The following ERI3 variants were observed in gnomAD, a reference collection of about 807,000 sequenced individuals.
ERI3 encodes ERI1 exoribonuclease family member 3, also known as ERI1 exoribonuclease 3.
In ERI3, 18 loss-of-function variants were observed where a neutral mutation model predicts 44.4. That is an observed-to-expected ratio of 0.41 (90% confidence interval 0.28 to 0.60). ERI3 has a LOEUF of 0.60. ERI3 is among the 20% of genes least tolerant of loss of function. ERI3 has a pLI of 0.36. For synonymous variants in ERI3, 183 were observed against 164.8 expected (o/e 1.11, Z -0.84); for missense variants, 294 against 435.5 (o/e 0.68, Z 2.89).
rs570879426 is a variant in ERI3 at position 44,261,602 on chromosome 1, C to T, written c.832-13564G>A. 5.3e-5 allele frequency among the ~76,000 whole-genome samples: 8 copies of T among 152,366 alleles called. No homozygotes were observed. The East Asian group carries it at 1.3e-3, about 26-fold the overall frequency. ...GGCAGCGGCCAGAGACTGCAGCTAC[C>T]TTAGAGAGCCGCTCTGAGGAGAGCT... is the stretch of plus-strand genomic sequence containing the variant. On this transcript the variant is annotated intron_variant, in intron 7 of 8. Coordinates refer to ENST00000372257, the MANE Select transcript of ERI3 (RefSeq NM_024066.3).
intron 2 of ERI3, among the ~76,000 whole-genome samples, chr1:44,351,975 T>C (rs551585488): frequency 1.3e-5 from 2 of 152,320 alleles, no homozygotes; most frequent in Non-Finnish European, 2.9e-5. Context: ...ACACTTCCCT[T>C]ACTATAGCAC....
intron 3 of ERI3, among the ~76,000 whole-genome samples, chr1:44,320,607 A>T (rs1646181133): frequency 6.6e-6 from 1 of 152,210 alleles, no homozygotes; most frequent in African/African-American, 2.4e-5. Flanking sequence ...AGAAGAGGGA[A>T]AGCGAGGAGA....
At chr1:44,232,561 A>G (rs1267063919) in intron 8 of ERI3, among the ~76,000 whole-genome samples, 2 of 152,326 alleles carry the variant, frequency 1.3e-5, no homozygotes, top group African/African-American at 4.8e-5. Flanking sequence ...CTGCCCTGCC[A>G]TTCTCGGCAT....
intron 3 of ERI3, 142 bp from the exon 4 acceptor site, chr1:44,319,886 G>A: frequency 3.1e-6 from 2 of 647,598 alleles, no homozygotes; most frequent in Middle Eastern, 3.1e-4. Context: ...CCAAACCCAA[G>A]ATTGAGTGAG....
chr1:44,329,663 A>ACTAC (rs1387441844), intron 3 of ERI3, among the ~76,000 whole-genome samples: 3 of 152,086 alleles, frequency 2.0e-5, no homozygotes, highest in African/African-American at 7.2e-5. Flanking sequence ...CCTAACCATC[A>ACTAC]CTACCTACCT....
intron 7 of ERI3, among the ~76,000 whole-genome samples, chr1:44,266,384 T>G (rs543690639): frequency 9.2e-5 from 14 of 152,158 alleles, no homozygotes; most frequent in Middle Eastern, 3.4e-3. Flanking sequence ...GGACTTGGAG[T>G]GTCTCAAAGG....
intron 8 of ERI3, among the ~76,000 whole-genome samples, chr1:44,242,662 C>A (rs1392811996): frequency 6.6e-6 from 1 of 152,188 alleles, no homozygotes; most frequent in Non-Finnish European, 1.5e-5. Context: ...AAGGCCCCCT[C>A]CCCCAGGCCA....
At chr1:44,349,381 G>A (rs535989045) in intron 2 of ERI3, among the ~76,000 whole-genome samples, 74 of 152,136 alleles carry the variant, frequency 4.9e-4, no homozygotes, top group Non-Finnish European at 2.5e-4. Flanking sequence ...TCAAACTCCT[G>A]ACCTCCTGAC....
At chr1:44,261,922 C>T (rs542692956) in intron 7 of ERI3, among the ~76,000 whole-genome samples, 115 of 152,312 alleles carry the variant, frequency 7.6e-4, no homozygotes, top group African/African-American at 2.7e-3. Flanking sequence ...GTTCTCCTAA[C>T]CTAAAACCTC....
intron 7 of ERI3, among the ~76,000 whole-genome samples, chr1:44,253,350 C>T (rs1644720585): frequency 6.6e-6 from 1 of 152,194 alleles, no homozygotes; most frequent in Admixed American, 6.5e-5. Context: ...ACAGTACTTT[C>T]CTCCAGGTAT....
chr1:44,345,210 T>C (rs1646760535), intron 2 of ERI3, among the ~76,000 whole-genome samples: 2 of 152,152 alleles, frequency 1.3e-5, no homozygotes, highest in Admixed American at 1.3e-4. Context: ...CCTCCATTAC[T>C]GGAGGGGTGA....
rs550494656 is a variant in ERI3, at chr1:44,324,737, C to T, written c.490-4993G>A. Among the ~76,000 whole-genome samples, 4 of 152,286 alleles carry T rather than the reference C, an allele frequency of 2.6e-5. No homozygotes were observed. The South Asian group carries it at 6.2e-4, about 24-fold the overall frequency. On this transcript the variant is annotated intron_variant, in intron 3 of 8. Coordinates refer to ENST00000372257, the MANE Select transcript of ERI3 (RefSeq NM_024066.3). ...GACCTCGTGATCCACCCGCTTCAGC[C>T]TCCCAAAGTGTTGGGATTACAGGCG...
intron 7 of ERI3, among the ~76,000 whole-genome samples, chr1:44,253,182 G>A (rs1194478044): frequency 6.6e-6 from 1 of 152,214 alleles, no homozygotes; most frequent in East Asian, 1.9e-4. Flanking sequence ...TAAGGGCACA[G>A]GTAAACACTA....
At chr1:44,303,356 G>A (rs1008293540) in intron 6 of ERI3, among the ~76,000 whole-genome samples, 3 of 152,268 alleles carry the variant, frequency 2.0e-5, no homozygotes, top group Non-Finnish European at 4.4e-5. Context: ...GGCAATGAAT[G>A]CTTCCTAAAT....
At chr1:44,319,080 G>A (rs1298618230) in intron 4 of ERI3, among the ~76,000 whole-genome samples, 1 of 152,224 alleles carries the variant, frequency 6.6e-6, no homozygotes, top group Non-Finnish European at 1.5e-5. Context: ...AGGAGGCCAA[G>A]TACAGTACCC....
At chr1:44,294,763 T>C (rs558279745) in intron 6 of ERI3, among the ~76,000 whole-genome samples, 1 of 152,364 alleles carries the variant, frequency 6.6e-6, no homozygotes, top group Admixed American at 6.5e-5. Flanking sequence ...AGCTATTCTC[T>C]TTTTGGCCAG....
At chr1:44,255,242 C>T (rs898903796) in intron 7 of ERI3, among the ~76,000 whole-genome samples, 1 of 152,174 alleles carries the variant, frequency 6.6e-6, no homozygotes, top group Non-Finnish European at 1.5e-5. Flanking sequence ...CTTCCTCCTT[C>T]ACTCCTTCAC....
intron 8 of ERI3, among the ~76,000 whole-genome samples, chr1:44,222,852 G>T (rs993804201): frequency 8.5e-5 from 13 of 152,194 alleles, no homozygotes; most frequent in Non-Finnish European, 1.5e-4. Flanking sequence ...ATAATCAAGT[G>T]TGGGGGGGTA....
intron 8 of ERI3, among the ~76,000 whole-genome samples, chr1:44,222,192 G>A (rs927962659): frequency 1.3e-5 from 2 of 152,216 alleles, no homozygotes; most frequent in African/African-American, 4.8e-5. Context: ...GCACTGCTGG[G>A]CCAGGGCCCT....
Sources: gnomAD v4.1 joint callset for allele counts (sites outside exome capture counted in the v4.1 genomes callset) on GRCh38, gnomAD v4.1.1 for gene constraint, MANE v1.5 for transcripts, NCBI Gene and HGNC (gene_info 2026-07-23, HGNC 2026-07-21) for gene names.